ANKFN1: variants seen among roughly 807,000 people sequenced by gnomAD.
ANKFN1 encodes the protein ankyrin repeat and fibronectin type-III domain-containing protein 1.
Under a neutral mutation model 108.7 loss-of-function variants are expected in ANKFN1, and 74 were observed. The ratio of observed to expected loss-of-function variants is 0.68; its 90% CI spans 0.56 to 0.83. The LOEUF is 0.83. Among genes scored for constraint, ANKFN1 ranks in the 40% least tolerant of loss-of-function variants. The probability of loss-of-function intolerance (pLI) is 0.00; values close to 1 mark genes in which losing one functional copy is unlikely to be tolerated. For synonymous variants in ANKFN1, 547 were observed against 516.2 expected, an observed-to-expected ratio of 1.06 and a Z score of -0.81; for missense variants, 1,505 against 1,382.3, an observed-to-expected ratio of 1.09 and a Z score of -1.41.
At chr17:56,084,728 T>C (rs1905287012) in intron 4 of ANKFN1, among the ~76,000 whole-genome samples, 1 of 151,318 alleles carries the variant, frequency 6.6e-6, no homozygotes, top group African/African-American at 2.4e-5. Flanking sequence ...TTGGATTTTC[T>C]GGAACTTCAT....
chr17:56,214,314 C>A (rs1414004012), intron 2 of ANKFN1, among the ~76,000 whole-genome samples: 3 of 152,104 alleles, frequency 2.0e-5, no homozygotes, highest in Non-Finnish European at 4.4e-5. Context: ...TGATCTCTGT[C>A]TGAGATGGTG....
intron 8 of ANKFN1, among the ~76,000 whole-genome samples, chr17:56,430,216 G>A (rs1598596035): frequency 6.6e-6 from 1 of 152,092 alleles, no homozygotes; most frequent in African/African-American, 2.4e-5. Context: ...AATGTCATTT[G>A]TGATACAGAT....
intron 19 of ANKFN1, 122 bp downstream of exon 19, chr17:56,492,475 G>T: frequency 3.5e-6 from 2 of 577,596 alleles, no homozygotes; most frequent in East Asian, 5.6e-5. Flanking sequence ...TGTGTAAGTT[G>T]CCTATTGAGT....
At chr17:56,170,770 T>A (rs1452713730) in intron 1 of ANKFN1, among the ~76,000 whole-genome samples, 1 of 63,822 alleles carries the variant, frequency 1.6e-5, no homozygotes, top group African/African-American at 8.4e-5. Flanking sequence ...CAAGAAAAAA[T>A]TTTTTATATA....
chr17:56,487,365 A>G (rs1456901188), intron 18 of ANKFN1, among the ~76,000 whole-genome samples: 1 of 152,166 alleles, frequency 6.6e-6, no homozygotes, highest in Admixed American at 6.5e-5. Context: ...AAACTTTATC[A>G]GGTGACGTGG....
intron 8 of ANKFN1, among the ~76,000 whole-genome samples, chr17:56,380,791 A>G (rs960046554): frequency 6.6e-6 from 1 of 152,196 alleles, no homozygotes; most frequent in Non-Finnish European, 1.5e-5. Context: ...GGAAGTTCGA[A>G]CTGGGTGGAG....
At chr17:56,410,749 T>C (rs2048066889) in intron 8 of ANKFN1, among the ~76,000 whole-genome samples, 1 of 152,172 alleles carries the variant, frequency 6.6e-6, no homozygotes, top group South Asian at 2.1e-4. Flanking sequence ...ACCTTTCTAC[T>C]CTGCTTCAGT....
At chr17:56,322,100 T>A (rs895052070) in intron 3 of ANKFN1, among the ~76,000 whole-genome samples, 2 of 152,058 alleles carry the variant, frequency 1.3e-5, no homozygotes, top group Non-Finnish European at 1.5e-5. Flanking sequence ...TTGACATGAC[T>A]CCAAGGACTC....
chr17:56,481,593 G>A (rs913587084), intron 17 of ANKFN1, among the ~76,000 whole-genome samples: 5 of 152,020 alleles, frequency 3.3e-5, no homozygotes, highest in African/African-American at 1.2e-4. Context: ...CTTTAAATAC[G>A]AGAGAGAACC....
chr17:56,049,401 T>TTG (rs1904735205), intron 4 of ANKFN1, among the ~76,000 whole-genome samples: 1 of 151,600 alleles, frequency 6.6e-6, no homozygotes, highest in African/African-American at 2.4e-5. Context: ...ATGATTTTTT[T>TTG]TTATTATACT....
At chr17:56,372,163 A>C (rs540194549) in intron 6 of ANKFN1, among the ~76,000 whole-genome samples, 1 of 152,352 alleles carries the variant, frequency 6.6e-6, no homozygotes, top group Admixed American at 6.5e-5. Context: ...GAATGTGTTA[A>C]AGGCAGAAAA....
At chr17:56,344,125 G>A (rs1412426847) in intron 4 of ANKFN1, among the ~76,000 whole-genome samples, 1 of 151,850 alleles carries the variant, frequency 6.6e-6, no homozygotes, top group Non-Finnish European at 1.5e-5. Context: ...CATAGTTTCT[G>A]TTTCTGTACA....
rs1182897836 is a variant in ANKFN1, at chr17:56,513,033, A to G, written c.*1764A>G. Among the ~76,000 whole-genome samples the G allele has an allele frequency of 1.3e-5, 2 of 152,212 alleles. No individual in the cohort carries two copies. The highest frequency in any genetic ancestry group is 3.8e-4 in the East Asian group (2 of 5,198). On this transcript the variant is annotated 3_prime_UTR_variant, in exon 21 of 21. Coordinates refer to ENST00000682825, the MANE Select transcript of ANKFN1 (RefSeq NM_001370326.1). ...GAGAGTGTTAGAACTAGACGGGCCC[A>G]TAAAATTTATCTAAGTCCGTGGGTT...
chr17:56,503,903 A>C (rs1161670853), intron 20 of ANKFN1, among the ~76,000 whole-genome samples: 1 of 152,208 alleles, frequency 6.6e-6, no homozygotes, highest in African/African-American at 2.4e-5. Flanking sequence ...GAAATTGAGG[A>C]GCATAAGCAA....
intron 8 of ANKFN1, among the ~76,000 whole-genome samples, chr17:56,403,438 A>G (rs1035186718): frequency 2.6e-5 from 4 of 151,990 alleles, no homozygotes; most frequent in African/African-American, 4.8e-5. Flanking sequence ...AAGGTCTTTT[A>G]CCATTATATA....
At position 56,513,295 on chromosome 17, in the gene ANKFN1, A is replaced by G. The variant is rs897191555; in HGVS notation, c.*2026A>G. Among the ~76,000 whole-genome samples the G allele has an allele frequency of 1.3e-5, 2 of 152,222 alleles. No homozygotes were observed. Among genetic ancestry groups the G allele is most frequent in the Non-Finnish European group, 2.9e-5 (2 of 68,038 alleles). On this transcript the variant is annotated 3_prime_UTR_variant, in exon 21 of 21. Coordinates refer to ENST00000682825, the MANE Select transcript of ANKFN1 (RefSeq NM_001370326.1). ...TCAACCTTTACCTAACAAGTTTCCA[A>G]TATTACAGAGCTGCTTGTTGCCAAG...
intron 4 of ANKFN1, among the ~76,000 whole-genome samples, chr17:56,069,594 G>A (rs564473362): frequency 2.0e-5 from 3 of 152,214 alleles, no homozygotes; most frequent in South Asian, 2.1e-4. Flanking sequence ...GTTTCCTGGG[G>A]CTGCCATAAG....
intron 4 of ANKFN1, among the ~76,000 whole-genome samples, chr17:56,091,573 C>T (rs1375534953): frequency 2.0e-5 from 3 of 151,250 alleles, no homozygotes; most frequent in South Asian, 4.2e-4. Flanking sequence ...TGTTGAAAAA[C>T]TATTTCCACT....
chr17:56,073,912 G>C (rs1438425407), intron 4 of ANKFN1, among the ~76,000 whole-genome samples: 1 of 152,188 alleles, frequency 6.6e-6, no homozygotes, highest in Non-Finnish European at 1.5e-5. Context: ...CCATTGATGA[G>C]TATTTGGGTT....
Sources: gnomAD v4.1 joint callset for allele counts (sites outside exome capture counted in the v4.1 genomes callset) on GRCh38, gnomAD v4.1.1 for gene constraint, MANE v1.5 for transcripts, NCBI Gene and HGNC (gene_info 2026-07-23, HGNC 2026-07-21) for gene names.